Variants in CNKSR3 observed in about 807,000 individuals in gnomAD.
CNKSR3 encodes the protein CNKSR family member 3, also known as connector enhancer of kinase suppressor of ras 3.
CNKSR3 carries 36 observed loss-of-function variants against 67.7 expected under a neutral mutation model. The observed-to-expected ratio is 0.53, with a 90% CI of 0.41 to 0.70. The LOEUF is 0.70. CNKSR3 is among the 30% of genes least tolerant of loss of function. The probability of loss-of-function intolerance (pLI) is 0.00; values close to 1 mark genes in which losing one functional copy is unlikely to be tolerated. For missense variants in CNKSR3, 630 were observed against 695.2 expected (o/e 0.91, Z 1.05); for synonymous variants, 281 against 271.4 (o/e 1.04, Z -0.35).
At position 154,422,569 on chromosome 6, in the gene CNKSR3, G is replaced by A. The variant is rs748705440; in HGVS notation, c.882C>T (p.Thr294=). 34 of 1,613,856 alleles carry A rather than the reference G, an allele frequency of 2.1e-5. No homozygotes were observed. The highest frequency in any genetic ancestry group is 3.3e-5 in the Admixed American group (2 of 59,996). ...GAGCAGGAGTAAAGTTGAAAGACCCGGTGGGGCGCTTCTTAAGCAGTAACA... is the reference window on the plus strand; with the variant it reads ...GAGCAGGAGTAAAGTTGAAAGACCCAGTGGGGCGCTTCTTAAGCAGTAACA... ...GVVLLLKKRP[T]GSFNFTPAPL... is the part of the protein sequence containing the mutation. The change falls in exon 9 of 13, where the codon ACC becomes ACT. Residue 294 remains threonine, a synonymous_variant. Transcript: ENST00000607772.
intron 12 of CNKSR3, among the ~76,000 whole-genome samples, chr6:154,407,891 A>C (rs899366096): frequency 2.0e-5 from 3 of 151,074 alleles, no homozygotes; most frequent in South Asian, 2.1e-4. Flanking sequence ...AAAAAAAAAA[A>C]AAAACCTAAA....
intron 1 of CNKSR3, among the ~76,000 whole-genome samples, chr6:154,458,750 G>C (rs753692131): frequency 2.6e-5 from 4 of 152,112 alleles, no homozygotes; most frequent in Non-Finnish European, 4.4e-5. Flanking sequence ...TCCCATCAGT[G>C]GATTAGCAGG....
Position 154,418,187 on chromosome 6 carries a change from G to A in CNKSR3, c.946-3764C>T, listed in dbSNP as rs182123205. ...CGCCCGAGCAGGGCCACCAGAACCC[G>A]GAGCTGTGTGGCTCCACCAGGATGC... On this transcript the variant is annotated intron_variant, in intron 9 of 12. Transcript: ENST00000607772. Among the ~76,000 whole-genome samples, 15 of 152,288 alleles carry A rather than the reference G, an allele frequency of 9.8e-5. No individual in the cohort carries two copies. In the East Asian group the frequency reaches 2.1e-3, roughly 22 times the overall value.
intron 2 of CNKSR3, among the ~76,000 whole-genome samples, chr6:154,446,204 G>T (rs753447826): frequency 8.5e-5 from 13 of 152,084 alleles, no homozygotes; most frequent in Admixed American, 3.3e-4. Flanking sequence ...TCTGGCTAGA[G>T]AAACCATACA....
rs10665656 is a variant in CNKSR3 at position 154,437,410 on chromosome 6, C to CTTTT, written c.507+3878_507+3881dup. On this transcript the variant is annotated intron_variant, in intron 4 of 12. Coordinates refer to ENST00000607772, the MANE Select transcript of CNKSR3 (RefSeq NM_173515.4). ...CACCATTTGGCAAAGCACCTATGTTCTTTTTTTTTTTTTTTTTTTTTGAGA... is the reference window on the plus strand; with the variant it reads ...CACCATTTGGCAAAGCACCTATGTTCTTTTTTTTTTTTTTTTTTTTTTTTTGAGA... Among the ~76,000 whole-genome samples, 867 of 102,032 alleles carry CTTTT rather than the reference C, an allele frequency of 8.5e-3. 12 individuals carry two copies. The highest frequency in any genetic ancestry group is 0.02 in the East Asian group (61 of 3,118). 66.9% of individuals were successfully genotyped at this position (102,032 alleles called of 152,430 possible).
chr6:154,496,092 C>A (rs954641406), intron 1 of CNKSR3, among the ~76,000 whole-genome samples: 1 of 152,114 alleles, frequency 6.6e-6, no homozygotes, highest in African/African-American at 2.4e-5. Context: ...CTATACATGA[C>A]GTTACCAGAA....
At chr6:154,429,583 C>T (rs1043404971) in intron 6 of CNKSR3, among the ~76,000 whole-genome samples, 3 of 152,130 alleles carry the variant, frequency 2.0e-5, no homozygotes, top group Admixed American at 6.6e-5. Flanking sequence ...CAAGCAGTAC[C>T]AATATGCATT....
Position 154,399,367 on chromosome 6 carries a change from G to A in CNKSR3, c.*6987C>T, listed in dbSNP as rs948838284. The A allele has an allele frequency of 6.6e-6, 1 of 152,208 alleles. No individual in the cohort carries two copies. Among genetic ancestry groups the A allele is most frequent in the African/African-American group, 2.4e-5 (1 of 41,436 alleles). The allele number at this position is 152,208 out of a possible 1,614,324, so 9.4% of individuals were successfully genotyped here. A position where few individuals can be genotyped will look rare whatever the true frequency, so the allele number is the denominator to read the frequency against. On this transcript the variant is annotated 3_prime_UTR_variant, in exon 13 of 13. Coordinates refer to ENST00000607772, the MANE Select transcript of CNKSR3 (RefSeq NM_173515.4). ...AGTCAACATCTCTTAAATGCTGTGTGCCAGACTATGCGAAGAAAGGGCCTT... is the reference window on the plus strand; with the variant it reads ...AGTCAACATCTCTTAAATGCTGTGTACCAGACTATGCGAAGAAAGGGCCTT...
In CNKSR3 at chr6:154,420,526, A is replaced by G. The variant is rs1030690417; in HGVS notation, c.945+1980T>C. Among the ~76,000 whole-genome samples, 17 of 151,504 alleles carry G rather than the reference A, an allele frequency of 1.1e-4. No individual in the cohort carries two copies. The South Asian group carries it at 3.4e-3, about 30-fold the overall frequency. ...AAAACGGTGAAACCCCGTCTCTACTAAAAATACAAAAAATTAGCCGGGCGT... is the reference window on the plus strand; with the variant it reads ...AAAACGGTGAAACCCCGTCTCTACTGAAAATACAAAAAATTAGCCGGGCGT... On this transcript the variant is annotated intron_variant, in intron 9 of 12. Transcript: ENST00000607772.
chr6:154,476,215 G>A (rs1293788883), intron 1 of CNKSR3, among the ~76,000 whole-genome samples: 1 of 152,046 alleles, frequency 6.6e-6, no homozygotes, highest in Non-Finnish European at 1.5e-5. Flanking sequence ...CCAGCACTTT[G>A]GGAGGCCAAG....
chr6:154,473,699 T>C (rs567730646), intron 1 of CNKSR3, among the ~76,000 whole-genome samples: 73 of 152,100 alleles, frequency 4.8e-4, no homozygotes, highest in Non-Finnish European at 6.9e-4. Context: ...ACATATAGGG[T>C]CTGGAGTCAG....
intron 9 of CNKSR3, 105 bp downstream of exon 9, chr6:154,422,401 C>T: frequency 1.8e-6 from 2 of 1,123,636 alleles, no homozygotes; most frequent in Non-Finnish European, 1.3e-6. Context: ...TACATACAAA[C>T]TCCTGAAACC....
chr6:154,467,322 A>C (rs1299999906), intron 1 of CNKSR3, among the ~76,000 whole-genome samples: 1 of 152,140 alleles, frequency 6.6e-6, no homozygotes, highest in African/African-American at 2.4e-5. Context: ...TTTCCCCAAA[A>C]CAAAGAATTT....
chr6:154,431,024 G>A (rs1260765642), intron 5 of CNKSR3, among the ~76,000 whole-genome samples: 6 of 150,302 alleles, frequency 4.0e-5, no homozygotes, highest in Non-Finnish European at 8.9e-5. Flanking sequence ...GCTGTTTCAC[G>A]TTTATAAAAA....
intron 1 of CNKSR3, among the ~76,000 whole-genome samples, chr6:154,483,832 C>A (rs1786614710): frequency 6.6e-6 from 1 of 152,182 alleles, no homozygotes. Flanking sequence ...TCCTGCTAGA[C>A]TGAATGCTCC....
intron 9 of CNKSR3, 106 bp from the exon 10 acceptor site, chr6:154,414,529 C>T (rs1214161806): frequency 1.7e-6 from 2 of 1,198,506 alleles, no homozygotes; most frequent in Non-Finnish European, 2.4e-6. Context: ...CGTGTCTGAA[C>T]AGGGACTGAG....
chr6:154,434,246 G>A (rs1001756296), intron 4 of CNKSR3, among the ~76,000 whole-genome samples: 2 of 152,148 alleles, frequency 1.3e-5, no homozygotes, highest in Admixed American at 6.5e-5. Context: ...AATTGCCAAT[G>A]TGAAACTTTC....
In CNKSR3 at chr6:154,442,278, C is replaced by G. The variant is rs1785611467; in HGVS notation, c.229G>C (p.Glu77Gln). The change falls in exon 3 of 13, where the codon GAA becomes CAA. Residue 77 changes from glutamate to glutamine, a missense_variant. This residue lies in a region of CNKSR3 where 189 missense variants were observed against 205.0 expected (regional missense o/e 0.92). Transcript: ENST00000607772. ...ACCAAGTTCTTCATGTTATCAGTTT[C>G]GAGGCCATAATTCTGTGGAAAATAA... is the stretch of plus-strand genomic sequence containing the variant. ...DLLCALNYGLETDNMKNLVLK... is the reference protein window; with the variant it reads ...DLLCALNYGLQTDNMKNLVLK... 6 of 1,613,356 alleles carry G rather than the reference C, an allele frequency of 3.7e-6. No individual in the cohort carries two copies. In the East Asian group the frequency reaches 1.3e-4, roughly 36 times the overall value.
intron 4 of CNKSR3, among the ~76,000 whole-genome samples, chr6:154,436,604 C>T (rs1266202973): frequency 9.2e-5 from 14 of 152,182 alleles, no homozygotes; most frequent in Non-Finnish European, 1.9e-4. Context: ...CTTCCCATCT[C>T]AGCCTCTAGT....
Sources: gnomAD v4.1 joint callset for allele counts (sites outside exome capture counted in the v4.1 genomes callset) on GRCh38, gnomAD v4.1.1 for gene constraint, gnomAD v4.1.1 regional missense constraint, MANE v1.5 for transcripts, NCBI Gene and HGNC (gene_info 2026-07-23, HGNC 2026-07-21) for gene names.